The following DDIAS variants were observed in gnomAD, a reference collection of about 807,000 sequenced individuals.
The protein encoded by DDIAS is DNA damage induced apoptosis suppressor.
Under a neutral mutation model 15.7 loss-of-function variants are expected in DDIAS, and 14 were observed. That is an observed-to-expected ratio of 0.89 (90% CI 0.59 to 1.39). The LOEUF is 1.39. Among genes scored for constraint, DDIAS ranks in the 40% most tolerant of loss-of-function variants. The pLI, the probability that DDIAS is intolerant of heterozygous loss-of-function variation, is 0.00. For missense variants in DDIAS, 1,035 were observed against 1,130.9 expected, an observed-to-expected ratio of 0.92 and a Z score of 1.22; for synonymous variants, 355 against 395.9, an observed-to-expected ratio of 0.90 and a Z score of 1.23.
Position 82,928,177 on chromosome 11 carries a change from C to CTTTTTTTTTTTTTTT in DDIAS, c.114-575_114-561dup, listed in dbSNP as rs541845327. On this transcript the variant is annotated intron_variant, in intron 3 of 5. Coordinates refer to ENST00000533655, the MANE Select transcript of DDIAS (RefSeq NM_145018.4). ...ATATTTTGAGATTATTTTTTGTCCT[C>CTTTTTTTTTTTTTTT]TTTTTTTTTTTTTTTTTTTTTTTTT... 2.6e-4 allele frequency among the ~76,000 whole-genome samples: 9 copies of CTTTTTTTTTTTTTTT among 34,208 alleles called. 4 individuals carry two copies. The highest frequency in any genetic ancestry group is 3.4e-4 in the Non-Finnish European group (6 of 17,858). 22.4% of individuals were successfully genotyped at this position (34,208 alleles called of 152,430 possible).
In DDIAS at chr11:82,930,873, C is replaced by T. The variant is rs542615397; in HGVS notation, c.393+599C>T. The stretch of plus-strand genomic sequence containing the variant: ...AGGGTTTTAAAAGAGGACTCCACAA[C>T]AGAAGAGTGAGAAAAATCCAAAGGG... On this transcript the variant is annotated intron_variant, in intron 5 of 5. Coordinates refer to ENST00000533655, the MANE Select transcript of DDIAS (RefSeq NM_145018.4). Among the ~76,000 whole-genome samples the T allele has an allele frequency of 4.1e-4, 63 of 152,268 alleles. 1 individual carries two copies. The highest frequency in any genetic ancestry group is 1.4e-3 in the African/African-American group (58 of 41,566).
chr11:82,916,241 G>A (rs1860630757), intron 3 of DDIAS, among the ~76,000 whole-genome samples: 1 of 152,160 alleles, frequency 6.6e-6, no homozygotes, highest in Non-Finnish European at 1.5e-5. Context: ...GCACAGAAAT[G>A]TTCTAGTAGA....
intron 3 of DDIAS, among the ~76,000 whole-genome samples, chr11:82,920,948 T>A (rs1327985563): frequency 3.9e-5 from 6 of 152,244 alleles, no homozygotes; most frequent in African/African-American, 1.4e-4. Flanking sequence ...TCTGTCTTGA[T>A]GACCTGTCTA....
chr11:82,934,204 G>C lies in DDIAS; in HGVS notation c.2866G>C (p.Ala956Pro), dbSNP rs141656476. 1 of 1,614,150 alleles carries C rather than the reference G, an allele frequency of 6.2e-7. No individual in the cohort carries two copies. Among genetic ancestry groups the C allele is most frequent in the African/African-American group, 1.3e-5 (1 of 75,062 alleles). Residue 956 changes from alanine (A) to proline (P), a missense_variant, in exon 6 of 6, where the codon GCA becomes CCA. Physicochemically the swap from Ala to Pro is conservative, Grantham distance 27. Transcript: ENST00000533655. ...SKCPDIQVLA[A>P]PQLHPILGPD... is the part of the protein sequence containing the mutation. ...ATGTCCAGACATTCAAGTCTTAGCA[G>C]CACCTCAGCTGCACCCTATTCTTGG...
rs1248995405 is a variant in DDIAS at position 82,934,326 on chromosome 11, G to C, written c.2988G>C (p.Leu996Phe). The change falls in exon 6 of 6, where the codon TTG (leucine) becomes TTC (phenylalanine). Residue 996 changes from leucine to phenylalanine, a missense_variant. By Grantham distance (22) the Leu-to-Phe change is conservative (BLOSUM62 0). Transcript: ENST00000533655. ...CTCGAAGTGCTTGGTCACCTGAATT[G>C]TTTTCATAAAAAGTCACCTGAACCC... ...CETRSAWSPE[L>F]FS 1.3e-6 allele frequency: 2 copies of C among 1,582,786 alleles called. No individual in the cohort carries two copies.
chr11:82,915,693 G>A (rs1274156116), intron 3 of DDIAS, among the ~76,000 whole-genome samples: 1 of 108,876 alleles, frequency 9.2e-6, no homozygotes, highest in East Asian at 2.2e-4. Flanking sequence ...CCTTGGCTAG[G>A]GCTTAGTTCA....
intron 3 of DDIAS, among the ~76,000 whole-genome samples, chr11:82,924,955 T>C (rs1860828959): frequency 6.6e-6 from 1 of 152,226 alleles, no homozygotes; most frequent in Non-Finnish European, 1.5e-5. Context: ...CAAATCTATT[T>C]TCATAATTCT....
At chr11:82,919,922 A>C (rs1860711247) in intron 3 of DDIAS, among the ~76,000 whole-genome samples, 1 of 152,112 alleles carries the variant, frequency 6.6e-6, no homozygotes, top group Middle Eastern at 3.2e-3. Context: ...ACAGGGTTTC[A>C]CGGTGTTAGC....
rs541845327 is a variant in DDIAS, at chr11:82,928,177, C to CTTTTTTTTTTTTTTTT, written c.114-576_114-561dup. On this transcript the variant is annotated intron_variant, in intron 3 of 5. Coordinates refer to ENST00000533655, the MANE Select transcript of DDIAS (RefSeq NM_145018.4). ...ATATTTTGAGATTATTTTTTGTCCT[C>CTTTTTTTTTTTTTTTT]TTTTTTTTTTTTTTTTTTTTTTTTT... Among the ~76,000 whole-genome samples the CTTTTTTTTTTTTTTTT allele has an allele frequency of 1.2e-4, 4 of 34,208 alleles. 1 individual carries two copies. The highest frequency in any genetic ancestry group is 2.2e-4 in the Non-Finnish European group (4 of 17,858). 22.4% of individuals were successfully genotyped at this position (34,208 alleles called of 152,430 possible). A position where few individuals can be genotyped will look rare whatever the true frequency, so the allele number is the denominator to read the frequency against.
At position 82,934,405 on chromosome 11, in the gene DDIAS, A is replaced by G; in HGVS notation, c.*70A>G. ...AATGTTTGCCTTCAGGGGTACGGAA[A>G]GCATTCTTTACATTTTGAACACTTG... On this transcript the variant is annotated 3_prime_UTR_variant, in exon 6 of 6. Coordinates refer to ENST00000533655, the MANE Select transcript of DDIAS (RefSeq NM_145018.4). 1 of 1,428,890 alleles carries G rather than the reference A, an allele frequency of 7.0e-7. No individual in the cohort carries two copies. The highest frequency in any genetic ancestry group is 2.3e-5 in the East Asian group (1 of 43,208). The allele number at this position is 1,428,890 out of a possible 1,614,324, so 88.5% of individuals were successfully genotyped here. A position where few individuals can be genotyped will look rare whatever the true frequency, so the allele number is the denominator to read the frequency against.
At chr11:82,917,392 A>G (rs1466654619) in intron 3 of DDIAS, among the ~76,000 whole-genome samples, 1 of 151,526 alleles carries the variant, frequency 6.6e-6, no homozygotes, top group Non-Finnish European at 1.5e-5. Flanking sequence ...CTGAGAACAT[A>G]TGGTGTTTGA....
At chr11:82,928,527 T>C (rs151250774) in intron 3 of DDIAS, among the ~76,000 whole-genome samples, 94 of 152,130 alleles carry the variant, frequency 6.2e-4, no homozygotes, top group Middle Eastern at 6.8e-3. Context: ...TGCACAGTTC[T>C]CCTTTAGTTT....
intron 1 of DDIAS, among the ~76,000 whole-genome samples, chr11:82,905,448 T>C (rs1035774219): frequency 6.6e-6 from 1 of 152,126 alleles, no homozygotes; most frequent in African/African-American, 2.4e-5. Context: ...AGCAATACAC[T>C]TAGAAAATAT....
At chr11:82,914,678 A>G (rs1408068510) in intron 2 of DDIAS, 45 bp from the exon 3 acceptor site, 4 of 946,806 alleles carry the variant, frequency 4.2e-6, no homozygotes, top group Non-Finnish European at 6.8e-6. Context: ...TATGCACTGC[A>G]ATGAAAGATT....
chr11:82,906,422 T>C (rs1181578714), intron 1 of DDIAS, among the ~76,000 whole-genome samples: 1 of 152,186 alleles, frequency 6.6e-6, no homozygotes, highest in Non-Finnish European at 1.5e-5. Context: ...AAAAGTATAG[T>C]AATAAGTGCT....
intron 1 of DDIAS, among the ~76,000 whole-genome samples, chr11:82,904,367 A>G (rs575824963): frequency 1.3e-5 from 2 of 152,236 alleles, no homozygotes; most frequent in South Asian, 4.1e-4. Context: ...ATGTGCATGT[A>G]TGGGCACGGT....
intron 3 of DDIAS, among the ~76,000 whole-genome samples, chr11:82,927,157 C>T (rs1860880561): frequency 6.6e-6 from 1 of 152,150 alleles, no homozygotes; most frequent in Admixed American, 6.5e-5. Flanking sequence ...AATGCTAATG[C>T]ATATTAGTCT....
At chr11:82,924,889 A>T (rs1860827509) in intron 3 of DDIAS, among the ~76,000 whole-genome samples, 1 of 152,214 alleles carries the variant, frequency 6.6e-6, no homozygotes, top group Non-Finnish European at 1.5e-5. Context: ...CAAACAAAAA[A>T]GATAGCAAAT....
At chr11:82,917,897 G>C (rs1171540527) in intron 3 of DDIAS, among the ~76,000 whole-genome samples, 1 of 152,184 alleles carries the variant, frequency 6.6e-6, no homozygotes, top group Non-Finnish European at 1.5e-5. Context: ...CTGGTCATTA[G>C]TGATGTTGAG....
Sources: gnomAD v4.1 joint callset for allele counts (sites outside exome capture counted in the v4.1 genomes callset) on GRCh38, gnomAD v4.1.1 for gene constraint, MANE v1.5 for transcripts, NCBI Gene and HGNC (gene_info 2026-07-23, HGNC 2026-07-21) for gene names.